The following SRCAP variants were observed in gnomAD, a reference collection of about 807,000 sequenced individuals.
The protein encoded by SRCAP is Snf2 related CREBBP activator protein.
SRCAP carries 46 observed loss-of-function variants against 263.1 expected under a neutral mutation model. The observed-to-expected ratio is 0.17, with a 90% confidence interval of 0.14 to 0.22. The LOEUF is 0.22. SRCAP is among the 10% of genes least tolerant of loss of function. The probability of loss-of-function intolerance (pLI) is 1.00; values close to 1 mark genes in which losing one functional copy is unlikely to be tolerated. For synonymous variants in SRCAP, 1,813 were observed against 1,662.1 expected (o/e 1.09, Z -2.21); for missense variants, 3,695 against 4,181.9 (o/e 0.88, Z 3.21).
rs746753535 is a variant in SRCAP at position 30,711,637 on chromosome 16, GTGAAGATGAGGA to G, written c.1397_1408del (p.Asp466_Glu469del). 4.3e-6 allele frequency: 7 copies of G among 1,614,126 alleles called. No homozygotes were observed. The East Asian group carries it at 8.9e-5, about 21-fold the overall frequency. Reference sequence around the variant, plus strand: ...GCCTATGCCCCAGGCTCTGGGAGCAGTGAAGATGAGGATGAAGATGAGGTTGATGCTAATAGC... The same window carrying G: ...GCCTATGCCCCAGGCTCTGGGAGCAGTGAAGATGAGGTTGATGCTAATAGC... On this transcript the variant is annotated inframe_deletion, in exon 11 of 34. Coordinates refer to ENST00000262518, the MANE Select transcript of SRCAP (RefSeq NM_006662.3).
intron 6 of SRCAP, among the ~76,000 whole-genome samples, chr16:30,708,799 C>T (rs1430730657): frequency 6.6e-6 from 1 of 152,134 alleles, no homozygotes; most frequent in Non-Finnish European, 1.5e-5. Flanking sequence ...AAAGTGTGAG[C>T]CACTATGCCT....
At chr16:30,712,948 T>TG in intron 14 of SRCAP, 133 bp downstream of exon 14, 1 of 1,231,592 alleles carries the variant, frequency 8.1e-7, no homozygotes, top group East Asian at 2.6e-5. Context: ...AAAATAAAGA[T>TG]GGGGTCTCAC....
rs759503155 is a variant in SRCAP, at chr16:30,733,874, C to T, written c.6495-20C>T. 4.0e-5 allele frequency: 64 copies of T among 1,613,250 alleles called. No individual in the cohort carries two copies. The highest frequency in any genetic ancestry group is 5.5e-5 in the South Asian group (5 of 91,024). The stretch of plus-strand genomic sequence containing the variant: ...CTGGATATATTTGGCTGCTTACACA[C>T]GGCCTTCATCACCCCCTAGGCTTAT... On this transcript the variant is annotated intron_variant, in intron 29 of 33. Transcript: ENST00000262518. This position sits in a 1 kb window ranked among gnomAD's most constrained non-coding sequence, Gnocchi z 5.3.
rs915447741 is a variant in SRCAP, at chr16:30,740,768, C to T, written c.*1035C>T. The T allele has an allele frequency of 8.5e-5, 13 of 152,394 alleles. No homozygotes were observed. The highest frequency in any genetic ancestry group is 3.1e-4 in the African/African-American group (13 of 41,466). The allele number at this position is 152,394 out of a possible 1,614,324, so 9.4% of individuals were successfully genotyped here. A position where few individuals can be genotyped will look rare whatever the true frequency, so the allele number is the denominator to read the frequency against. ...CTCCCTGGGCCCTCCTTGTGTCCTC[C>T]TGTTGACTCTGTGCTTACCTCATCT... On this transcript the variant is annotated 3_prime_UTR_variant, in exon 34 of 34. Coordinates refer to ENST00000262518, the MANE Select transcript of SRCAP (RefSeq NM_006662.3).
At chr16:30,735,918 T>G (rs1278211503) in intron 31 of SRCAP, among the ~76,000 whole-genome samples, 1 of 151,182 alleles carries the variant, frequency 6.6e-6, no homozygotes, top group Non-Finnish European at 1.5e-5. Context: ...GTGGTGGCTT[T>G]TTTTTTTTTT....
At chr16:30,710,184 A>G in intron 8 of SRCAP, 56 bp downstream of exon 8, 2 of 1,562,130 alleles carry the variant, frequency 1.3e-6, no homozygotes, top group East Asian at 2.3e-5. Context: ...GGAGAGGTTC[A>G]GGGTCTGAGT....
At chr16:30,710,233 G>C (rs184311729) in intron 8 of SRCAP, 105 bp downstream of exon 8, 141 of 1,189,606 alleles carry the variant, frequency 1.2e-4, no homozygotes, top group Admixed American at 9.2e-4. Flanking sequence ...TAGGAGTTCT[G>C]CTAGTAATGG....
chr16:30,719,900 T>C (rs2052993180), intron 18 of SRCAP, among the ~76,000 whole-genome samples: 1 of 152,190 alleles, frequency 6.6e-6, no homozygotes, highest in Non-Finnish European at 1.5e-5. Context: ...CGATTGATCC[T>C]GTTACTCAGG....
chr16:30,720,284 T>G lies in SRCAP; in HGVS notation c.2940T>G (p.Ala980=). The G allele has an allele frequency of 6.2e-7, 1 of 1,614,096 alleles. No individual in the cohort carries two copies. The highest frequency in any genetic ancestry group is 8.5e-7 in the Non-Finnish European group (1 of 1,179,970). ...SRRVLLEVAT[A]PDPPPRPKPV... Reference sequence around the variant, plus strand: ...GGGTACTGTTAGAAGTGGCTACTGCTCCTGACCCCCCACCCCGGCCCAAGC... The same window carrying G: ...GGGTACTGTTAGAAGTGGCTACTGCGCCTGACCCCCCACCCCGGCCCAAGC... The change falls in exon 19 of 34, where the codon GCT becomes GCG. Residue 980 remains alanine, a synonymous_variant. Coordinates refer to ENST00000262518, the MANE Select transcript of SRCAP (RefSeq NM_006662.3).
chr16:30,715,150 T>C (rs905918914), intron 16 of SRCAP, among the ~76,000 whole-genome samples: 6 of 152,262 alleles, frequency 3.9e-5, no homozygotes, highest in Non-Finnish European at 8.8e-5. Flanking sequence ...TCTGATTTGC[T>C]ATCATTAATT....
chr16:30,722,241 G>A lies in SRCAP; in HGVS notation c.3661G>A (p.Ala1221Thr). 1.2e-6 allele frequency: 2 copies of A among 1,614,180 alleles called. No homozygotes were observed. Among genetic ancestry groups the A allele is most frequent in the Non-Finnish European group, 1.7e-6 (2 of 1,180,040 alleles). ...IQGNKLTLTG[A>T]QVRQLAVGQP... ...GGGCAACAAGCTGACTTTGACTGGT[G>A]CCCAGGTGCGCCAGCTTGCTGTGGG... Residue 1221 changes from alanine (A) to threonine (T), a missense_variant, in exon 22 of 34, where the codon GCC (alanine) becomes ACC (threonine). By Grantham distance (58) the Ala-to-Thr change is moderately conservative. This residue lies in a region of SRCAP where 1,347 missense variants were observed against 1,304.4 expected (regional missense o/e 1.03). Coordinates refer to ENST00000262518, the MANE Select transcript of SRCAP (RefSeq NM_006662.3).
chr16:30,707,960 A>G (rs1450394167), intron 6 of SRCAP, among the ~76,000 whole-genome samples: 1 of 152,154 alleles, frequency 6.6e-6, no homozygotes, highest in Non-Finnish European at 1.5e-5. Context: ...TGTTTACTGA[A>G]ATGTATTTGT....
At chr16:30,719,096 A>G (rs2052982787) in intron 18 of SRCAP, among the ~76,000 whole-genome samples, 1 of 151,816 alleles carries the variant, frequency 6.6e-6, no homozygotes, top group African/African-American at 2.4e-5. Flanking sequence ...GGGTTTCACC[A>G]TGTTGGCCAG....
intron 1 of SRCAP, 119 bp from the exon 2 acceptor site, chr16:30,699,789 T>A (rs1420697840): frequency 6.6e-6 from 1 of 152,280 alleles, no homozygotes; most frequent in Non-Finnish European, 1.5e-5. Context: ...TGCATTTCCC[T>A]GAAATGTGAG....
At position 30,736,271 on chromosome 16, in the gene SRCAP, G is replaced by T. The variant is rs762129782; in HGVS notation, c.6801G>T (p.Glu2267Asp). The T allele has an allele frequency of 6.2e-7, 1 of 1,614,194 alleles. No homozygotes were observed. The highest frequency in any genetic ancestry group is 8.5e-7 in the Non-Finnish European group (1 of 1,180,040). ...AGGCCAAGGCTGAACAGGTGGCTGA[G>T]CTTGCAGAATTTAATGAGAACGATG... ...ATQAKAEQVA[E>D]LAEFNENDGF... The change falls in exon 32 of 34, where the codon GAG (glutamate) becomes GAT (aspartate). Residue 2267 changes from glutamate to aspartate, a missense_variant. Coordinates refer to ENST00000262518, the MANE Select transcript of SRCAP (RefSeq NM_006662.3).
At chr16:30,723,360 G>A in intron 24 of SRCAP, 131 bp downstream of exon 24, 29 of 1,438,480 alleles carry the variant, frequency 2.0e-5, no homozygotes, top group Non-Finnish European at 2.5e-5. Flanking sequence ...GTGGGCCCCA[G>A]AACTGGGCTG....
At chr16:30,715,967 T>G in intron 16 of SRCAP, 99 bp from the exon 17 acceptor site, 4 of 1,484,738 alleles carry the variant, frequency 2.7e-6, no homozygotes, top group Non-Finnish European at 3.7e-6. Context: ...GTGTCTGATA[T>G]GGTGTGCCGT....
chr16:30,734,569 A>T lies in SRCAP; in HGVS notation c.6683A>T (p.Glu2228Val). The change falls in exon 31 of 34, where the codon GAG becomes GTG. Residue 2228 changes from glutamate to valine, a missense_variant. This residue lies in a region of SRCAP where 53 missense variants were observed against 45.6 expected (regional missense o/e 1.16). Coordinates refer to ENST00000262518, the MANE Select transcript of SRCAP (RefSeq NM_006662.3). ...TCATCCGTGCCCTCTGCCCCTGAAG[A>T]GGAGGAAGAGACTGTGGCCAGCAAG... ...SSSSVPSAPEEEEETVASKQT... is the reference protein window; with the variant it reads ...SSSSVPSAPEVEEETVASKQT... 6.2e-7 allele frequency: 1 copy of T among 1,613,924 alleles called. No homozygotes were observed. The highest frequency in any genetic ancestry group is 8.5e-7 in the Non-Finnish European group (1 of 1,179,994).
chr16:30,711,449 C>T, intron 10 of SRCAP, 122 bp from the exon 11 acceptor site: 2 of 1,010,588 alleles, frequency 2.0e-6, no homozygotes, highest in Non-Finnish European at 2.8e-6. Flanking sequence ...AGCTCTTTTG[C>T]CTCCCCTCAG....
Sources: gnomAD v4.1 joint callset for allele counts (sites outside exome capture counted in the v4.1 genomes callset) on GRCh38, gnomAD v4.1.1 for gene constraint, gnomAD v4.1.1 regional missense constraint, Gnocchi (gnomAD v3.1) non-coding constraint, MANE v1.5 for transcripts, NCBI Gene and HGNC (gene_info 2026-07-23, HGNC 2026-07-21) for gene names.